WWOX: variants seen among roughly 807,000 people sequenced by gnomAD.
WWOX encodes the protein WW domain containing oxidoreductase.
Under a neutral mutation model 46.2 loss-of-function variants are expected in WWOX, and 69 were observed. That is an observed-to-expected ratio of 1.49 (90% CI 1.23 to 1.82). WWOX has a LOEUF of 1.82. WWOX is among the 40% of genes most tolerant of loss of function. WWOX has a pLI of 0.00. For missense variants in WWOX, 919 were observed against 542.6 expected (o/e 1.69, Z -6.89); for synonymous variants, 359 against 202.6 (o/e 1.77, Z -6.56).
intron 8 of WWOX, among the ~76,000 whole-genome samples, chr16:78,517,311 C>A (rs901948819): frequency 1.3e-5 from 2 of 149,282 alleles, no homozygotes; most frequent in African/African-American, 5.0e-5. Context: ...CTGTCACACA[C>A]ACCCACCCAC....
intron 8 of WWOX, among the ~76,000 whole-genome samples, chr16:79,036,460 C>T (rs2047868550): frequency 6.6e-6 from 1 of 152,244 alleles, no homozygotes; most frequent in Non-Finnish European, 1.5e-5. Context: ...TCATTCATGA[C>T]ATGTGAGGCC....
intron 8 of WWOX, among the ~76,000 whole-genome samples, chr16:79,084,657 C>T (rs540867837): frequency 9.8e-5 from 15 of 152,336 alleles, no homozygotes; most frequent in Admixed American, 1.3e-4. Flanking sequence ...TCGTGATGCA[C>T]CCGCATCGGC....
intron 5 of WWOX, among the ~76,000 whole-genome samples, chr16:78,212,894 G>C (rs1662034323): frequency 6.6e-6 from 1 of 152,156 alleles, no homozygotes; most frequent in South Asian, 2.1e-4. Flanking sequence ...CAGTGGCTTA[G>C]CATGGTGAAT....
intron 8 of WWOX, among the ~76,000 whole-genome samples, chr16:78,868,476 T>TAGTA (rs200209221): frequency 2.1e-3 from 180 of 86,274 alleles, no homozygotes; most frequent in South Asian, 7.1e-3. Flanking sequence ...TGGATAAATA[T>TAGTA]ACTAACATCA....
intron 8 of WWOX, among the ~76,000 whole-genome samples, chr16:78,674,447 G>T (rs2047543380): frequency 6.6e-6 from 1 of 151,978 alleles, no homozygotes; most frequent in Non-Finnish European, 1.5e-5. Flanking sequence ...ACCATGCCCA[G>T]CTAATTTTTG....
intron 8 of WWOX, among the ~76,000 whole-genome samples, chr16:78,861,429 G>C (rs1301462966): frequency 2.0e-5 from 3 of 152,234 alleles, no homozygotes; most frequent in Non-Finnish European, 4.4e-5. Context: ...AATCCCATGA[G>C]TCTACCATCC....
At chr16:79,189,983 A>G (rs918610506) in intron 8 of WWOX, among the ~76,000 whole-genome samples, 1 of 151,730 alleles carries the variant, frequency 6.6e-6, no homozygotes, top group Non-Finnish European at 1.5e-5. Flanking sequence ...TTGCTCCATT[A>G]TTTTATCATC....
intron 5 of WWOX, among the ~76,000 whole-genome samples, chr16:78,292,683 T>C (rs2151861461): frequency 6.6e-6 from 1 of 152,262 alleles, no homozygotes; most frequent in East Asian, 1.9e-4. Context: ...GTTGGAGCAA[T>C]TCTGGCACTG....
intron 8 of WWOX, among the ~76,000 whole-genome samples, chr16:78,557,677 C>G (rs2044335576): frequency 7.4e-6 from 1 of 135,444 alleles, no homozygotes. Flanking sequence ...AAGTGCATTC[C>G]TCTAGGGAAG....
intron 8 of WWOX, among the ~76,000 whole-genome samples, chr16:78,588,292 T>G (rs1340527398): frequency 6.6e-6 from 1 of 152,106 alleles, no homozygotes; most frequent in East Asian, 1.9e-4. Context: ...ACTCATAGGT[T>G]TTGGGTGCGG....
chr16:79,071,035 G>A (rs1011786660), intron 8 of WWOX, among the ~76,000 whole-genome samples: 2 of 152,148 alleles, frequency 1.3e-5, no homozygotes, highest in Admixed American at 6.5e-5. Flanking sequence ...CAGCCCATAC[G>A]TGAATGCATG....
At chr16:78,342,579 C>T (rs75522647) in intron 5 of WWOX, among the ~76,000 whole-genome samples, 27,047 of 119,234 alleles carry the variant, frequency 0.23, 8,658 homozygotes, top group African/African-American at 0.38. Flanking sequence ...GTTGGGAGAG[C>T]ACTAAAGGTC....
chr16:78,825,234 T>C (rs988957290), intron 8 of WWOX: 16 of 231,932 alleles, frequency 6.9e-5, no homozygotes, highest in Non-Finnish European at 7.9e-5. Flanking sequence ...TAGTGAGATC[T>C]AAGAGAGGCA....
chr16:78,584,239 A>G (rs2045137512), intron 8 of WWOX, among the ~76,000 whole-genome samples: 1 of 152,212 alleles, frequency 6.6e-6, no homozygotes, highest in South Asian at 2.1e-4. Flanking sequence ...TGCCATATAC[A>G]GTTATGTAAA....
At chr16:79,066,201 C>T (rs1485185554) in intron 8 of WWOX, among the ~76,000 whole-genome samples, 1 of 152,150 alleles carries the variant, frequency 6.6e-6, no homozygotes, top group Non-Finnish European at 1.5e-5. Context: ...TCCACTGTTC[C>T]ACGTGGGACG....
chr16:78,674,824 T>A (rs1338411340), intron 8 of WWOX, among the ~76,000 whole-genome samples: 1 of 104,754 alleles, frequency 9.5e-6, no homozygotes, highest in African/African-American at 3.2e-5. Context: ...GATTTTTCAT[T>A]TTTCATTTTT....
intron 8 of WWOX, among the ~76,000 whole-genome samples, chr16:78,709,367 C>G (rs932432947): frequency 6.6e-6 from 1 of 152,200 alleles, no homozygotes; most frequent in Non-Finnish European, 1.5e-5. Context: ...GAAGGAAAGC[C>G]CGCGATTCTC....
chr16:78,515,294 C>T (rs1464086073), intron 8 of WWOX, among the ~76,000 whole-genome samples: 1 of 152,046 alleles, frequency 6.6e-6, no homozygotes, highest in East Asian at 1.9e-4. Flanking sequence ...GATTTTGTTA[C>T]TTTTCTAATG....
At chr16:78,765,109 G>T (rs74999810) in intron 8 of WWOX, among the ~76,000 whole-genome samples, 1 of 152,168 alleles carries the variant, frequency 6.6e-6, no homozygotes, top group African/African-American at 2.4e-5. Context: ...GCGGCTGTGC[G>T]GGGATGTGGT....
Sources: allele counts gnomAD v4.1 joint callset (sites outside exome capture counted in the v4.1 genomes callset), GRCh38; gene constraint gnomAD v4.1.1; transcripts MANE v1.5; gene names NCBI Gene and HGNC (gene_info 2026-07-23, HGNC 2026-07-21).